DPYS: variants seen among roughly 807,000 people sequenced by gnomAD.
The protein encoded by DPYS is dihydropyrimidine amidohydrolase.
DPYS carries 39 observed loss-of-function variants against 50.3 expected under a neutral mutation model. That is an observed-to-expected ratio of 0.78 (90% CI 0.60 to 1.01). The LOEUF (loss-of-function observed/expected upper bound fraction) is 1.01. Among genes scored for constraint, DPYS ranks in the 50% least tolerant of loss-of-function variants. The pLI, the probability that DPYS is intolerant of heterozygous loss-of-function variation, is 0.00. For synonymous variants in DPYS, 245 were observed against 250.7 expected (o/e 0.98, Z 0.22); for missense variants, 659 against 680.9 (o/e 0.97, Z 0.36).
At chr8:104,448,602 C>T (rs1229695674) in intron 2 of DPYS, among the ~76,000 whole-genome samples, 3 of 151,676 alleles carry the variant, frequency 2.0e-5, no homozygotes, top group Non-Finnish European at 2.9e-5. Flanking sequence ...CATACACACA[C>T]ACACAATGAA....
chr8:104,429,634 TTTA>T lies in DPYS; in HGVS notation c.858_860del (p.Asn286del). ...CATGGTGGGCTGCATGGTGCCATTC[TTTA>T]TTCCAGTAGTGAGTGCCATCTGTGC... On this transcript the variant is annotated inframe_deletion, in exon 5 of 10. Transcript: ENST00000351513. The T allele has an allele frequency of 6.2e-7, 1 of 1,614,214 alleles. No individual in the cohort carries two copies. The highest frequency in any genetic ancestry group is 8.5e-7 in the Non-Finnish European group (1 of 1,180,028).
In DPYS at chr8:104,432,596, C is replaced by T. The variant is rs150580350; in HGVS notation, c.794-2895G>A. 2.4e-3 allele frequency among the ~76,000 whole-genome samples: 364 copies of T among 152,260 alleles called. 1 individual carries two copies. The highest frequency in any genetic ancestry group is 8.2e-3 in the African/African-American group (341 of 41,554). On this transcript the variant is annotated intron_variant, in intron 4 of 9. Transcript: ENST00000351513. ...GACTTTATTTTGATTCAAAACATTA[C>T]ATTTACAAAGGAAGAAAAGAATTGA...
At chr8:104,399,876 A>AAG (rs1811732769) in intron 7 of DPYS, among the ~76,000 whole-genome samples, 1 of 150,710 alleles carries the variant, frequency 6.6e-6, no homozygotes, top group East Asian at 1.9e-4. Flanking sequence ...CAAAAAAAAA[A>AAG]AAAAAAAAAA....
At chr8:104,399,290 C>CAAAAAAAAAAAAAAAAAAA (rs11323938) in intron 7 of DPYS, among the ~76,000 whole-genome samples, 3 of 74,898 alleles carry the variant, frequency 4.0e-5, no homozygotes, top group Non-Finnish European at 7.0e-5. Flanking sequence ...GACTCCATCT[C>CAAAAAAAAAAAAAAAAAAA]AAAAAAAAAA....
intron 8 of DPYS, among the ~76,000 whole-genome samples, chr8:104,389,968 A>C (rs533895660): frequency 5.2e-4 from 79 of 152,342 alleles, no homozygotes; most frequent in Non-Finnish European, 9.6e-4. Context: ...TTTGCAAAGG[A>C]GAACTGATGA....
intron 4 of DPYS, among the ~76,000 whole-genome samples, chr8:104,437,122 G>A (rs1320988688): frequency 6.6e-6 from 1 of 152,062 alleles, no homozygotes; most frequent in African/African-American, 2.4e-5. Flanking sequence ...TGGAGTCCCA[G>A]GAAAAGAAAA....
intron 8 of DPYS, among the ~76,000 whole-genome samples, chr8:104,386,858 C>T (rs905044791): frequency 1.3e-5 from 2 of 152,080 alleles, no homozygotes; most frequent in African/African-American, 2.4e-5. Flanking sequence ...GAACTCCTGA[C>T]CTCAGGTGAT....
intron 1 of DPYS, among the ~76,000 whole-genome samples, chr8:104,462,806 C>A (rs1814218066): frequency 6.6e-6 from 1 of 152,208 alleles, no homozygotes; most frequent in African/African-American, 2.4e-5. Flanking sequence ...CATTGTCCTT[C>A]CTCATAGATA....
At chr8:104,457,891 C>T (rs1410530585) in intron 1 of DPYS, among the ~76,000 whole-genome samples, 1 of 152,148 alleles carries the variant, frequency 6.6e-6, no homozygotes, top group Non-Finnish European at 1.5e-5. Context: ...TTCTCTTCTT[C>T]CCTGTATCCC....
chr8:104,462,033 G>T (rs1814190383), intron 1 of DPYS, among the ~76,000 whole-genome samples: 1 of 152,124 alleles, frequency 6.6e-6, no homozygotes, highest in Non-Finnish European at 1.5e-5. Context: ...ATACTCATCT[G>T]TATTTTTCTT....
intron 8 of DPYS, among the ~76,000 whole-genome samples, chr8:104,386,966 A>G (rs191555223): frequency 6.6e-6 from 1 of 152,254 alleles, no homozygotes. Flanking sequence ...ATCAACAGAG[A>G]AGAATCCCAA....
intron 7 of DPYS, among the ~76,000 whole-genome samples, chr8:104,405,404 C>A (rs1811962769): frequency 6.6e-6 from 1 of 152,218 alleles, no homozygotes; most frequent in African/African-American, 2.4e-5. Context: ...AGGATGAAAG[C>A]ACTATACTCT....
chr8:104,411,845 T>C (rs1405547117), intron 7 of DPYS: 1 of 152,076 alleles, frequency 6.6e-6, no homozygotes. Context: ...CCCCATTTAC[T>C]GGACTAAAGG....
intron 8 of DPYS, chr8:104,381,545 C>A: frequency 4.2e-6 from 2 of 480,738 alleles, no homozygotes; most frequent in Non-Finnish European, 7.6e-6. Flanking sequence ...GGGACACTCA[C>A]TGGGGCCTCT....
At chr8:104,412,346 G>A (rs1588421235) in intron 7 of DPYS, among the ~76,000 whole-genome samples, 1 of 152,162 alleles carries the variant, frequency 6.6e-6, no homozygotes, top group East Asian at 1.9e-4. Context: ...GATGAGCTCA[G>A]AAAATCAAGG....
chr8:104,443,751 G>T (rs943813079), intron 4 of DPYS, among the ~76,000 whole-genome samples: 1 of 152,110 alleles, frequency 6.6e-6, no homozygotes, highest in African/African-American at 2.4e-5. Flanking sequence ...AATTTAGCTG[G>T]GTGTGGTGGT....
At chr8:104,412,249 G>A (rs908811344) in intron 7 of DPYS, among the ~76,000 whole-genome samples, 1 of 152,182 alleles carries the variant, frequency 6.6e-6, no homozygotes, top group East Asian at 1.9e-4. Context: ...GTGCACACTT[G>A]TAACCAAGGA....
chr8:104,454,010 G>C (rs1217304062), intron 1 of DPYS, among the ~76,000 whole-genome samples: 1 of 152,196 alleles, frequency 6.6e-6, no homozygotes, highest in Non-Finnish European at 1.5e-5. Flanking sequence ...AGAGCAAGTG[G>C]AATAGTGGTT....
Position 104,416,713 on chromosome 8 carries a change from C to T in DPYS, c.1235+7534G>A, listed in dbSNP as rs144290831. On this transcript the variant is annotated intron_variant, in intron 7 of 9. Transcript: ENST00000351513. ...TTGAGGAAGAGGAGGAGGATTATAA[C>T]GCACAAATTAGTCAGAGGATACACA... 6.5e-3 allele frequency among the ~76,000 whole-genome samples: 983 copies of T among 152,160 alleles called. 17 individuals are homozygous for T. Among genetic ancestry groups the T allele is most frequent in the African/African-American group, 0.023 (942 of 41,496 alleles).
Sources: gnomAD v4.1 joint callset for allele counts (sites outside exome capture counted in the v4.1 genomes callset) on GRCh38, gnomAD v4.1.1 for gene constraint, MANE v1.5 for transcripts, NCBI Gene and HGNC (gene_info 2026-07-23, HGNC 2026-07-21) for gene names.